CALN1: variants seen among roughly 807,000 people sequenced by gnomAD.
CALN1 encodes calneuron 1.
A neutral mutation model predicts 30.6 loss-of-function variants in CALN1; 17 were observed. The ratio of observed to expected loss-of-function variants is 0.56; its 90% CI spans 0.38 to 0.83. The LOEUF is 0.83. Among genes scored for constraint, CALN1 ranks in the 40% least tolerant of loss-of-function variants. CALN1 has a pLI of 0.00. For synonymous variants in CALN1, 156 were observed against 131.4 expected, an observed-to-expected ratio of 1.19 and a Z score of -1.28; for missense variants, 291 against 354.9, an observed-to-expected ratio of 0.82 and a Z score of 1.45.
chr7:72,330,485 A>AG (rs35451169), intron 2 of CALN1, among the ~76,000 whole-genome samples: 8,515 of 142,302 alleles, frequency 0.06, 352 homozygotes, highest in Non-Finnish European at 0.098. Context: ...AAAAAAAAAA[A>AG]AGAGAGAGAG....
intron 3 of CALN1, among the ~76,000 whole-genome samples, chr7:72,182,749 C>T (rs1207983720): frequency 1.4e-5 from 2 of 139,558 alleles, no homozygotes; most frequent in African/African-American, 5.3e-5. Flanking sequence ...AAAAAAATGA[C>T]AAAAATTCTA....
intron 3 of CALN1, among the ~76,000 whole-genome samples, chr7:72,214,699 A>G (rs1338369736): frequency 6.6e-6 from 1 of 152,018 alleles, no homozygotes; most frequent in African/African-American, 2.4e-5. Context: ...CGAGCCGCAC[A>G]GCAGGAGGTG....
intron 3 of CALN1, among the ~76,000 whole-genome samples, chr7:72,254,794 G>C (rs1795803540): frequency 6.6e-6 from 1 of 151,848 alleles, no homozygotes; most frequent in African/African-American, 2.4e-5. Flanking sequence ...ACAGAGTCTT[G>C]CTTGCCCTGT....
intron 3 of CALN1, among the ~76,000 whole-genome samples, chr7:72,224,657 T>C (rs1316398271): frequency 1.3e-5 from 2 of 152,082 alleles, no homozygotes; most frequent in African/African-American, 2.4e-5. Flanking sequence ...GGCCAGTGCC[T>C]GTAATCCCAG....
At chr7:71,858,856 C>T (rs1359828980) in intron 5 of CALN1, among the ~76,000 whole-genome samples, 2 of 152,056 alleles carry the variant, frequency 1.3e-5, no homozygotes, top group East Asian at 1.9e-4. Flanking sequence ...AGCTGTGCCC[C>T]GACCACTTTG....
At chr7:72,267,037 G>A (rs566698654) in intron 3 of CALN1, among the ~76,000 whole-genome samples, 19 of 152,290 alleles carry the variant, frequency 1.2e-4, no homozygotes, top group Non-Finnish European at 2.1e-4. Flanking sequence ...CATTCATTGC[G>A]TAGGTTTTAG....
At chr7:72,382,956 T>C (rs1804997291) in intron 2 of CALN1, among the ~76,000 whole-genome samples, 1 of 152,084 alleles carries the variant, frequency 6.6e-6, no homozygotes, top group Non-Finnish European at 1.5e-5. Flanking sequence ...GCCCAGCTAA[T>C]TTTTGTATTT....
At chr7:72,201,904 C>T (rs1041353484) in intron 3 of CALN1, among the ~76,000 whole-genome samples, 6 of 152,136 alleles carry the variant, frequency 3.9e-5, no homozygotes, top group Admixed American at 2.6e-4. Context: ...ACCCACACTC[C>T]CTATCTGTTG....
chr7:72,321,413 A>G (rs928845266), intron 2 of CALN1, among the ~76,000 whole-genome samples: 1 of 152,230 alleles, frequency 6.6e-6, no homozygotes, highest in African/African-American at 2.4e-5. Flanking sequence ...CTATTCTTAC[A>G]ACAAGCTGAA....
In CALN1 at chr7:71,779,737, GCTGA is replaced by G. The variant is rs1336240686; in HGVS notation, c.*8034_*8037del. The G allele has an allele frequency of 2.6e-5, 4 of 152,024 alleles. No individual in the cohort carries two copies. The highest frequency in any genetic ancestry group is 4.8e-5 in the African/African-American group (2 of 41,378). 9.4% of individuals were successfully genotyped at this position (152,024 alleles called of 1,614,324 possible). On this transcript the variant is annotated 3_prime_UTR_variant, in exon 7 of 7. Coordinates refer to ENST00000395275, the MANE Select transcript of CALN1 (RefSeq NM_031468.4). ...ATAAAGATTCTTTTTTGACTAGTCT[GCTGA>G]CTTTCTCATCACTTAATAGCAGAAA...
chr7:72,169,097 C>T (rs999060421), intron 3 of CALN1, among the ~76,000 whole-genome samples: 2 of 144,494 alleles, frequency 1.4e-5, no homozygotes, highest in Non-Finnish European at 3.2e-5. Flanking sequence ...TGAGCCACCA[C>T]ATCTAGCCCT....
chr7:72,349,282 TTGTGTGTGTGTGTG>T lies in CALN1; in HGVS notation c.119+53955_119+53968del, dbSNP rs3032183. Among the ~76,000 whole-genome samples the T allele has an allele frequency of 1.9e-3, 273 of 147,524 alleles. 1 individual carries two copies. Among genetic ancestry groups the T allele is most frequent in the South Asian group, 4.8e-3 (22 of 4,576 alleles). Reference sequence around the variant, plus strand: ...AGAGAGAGACTGTAAACACGCGTGCTTGTGTGTGTGTGTGTGTGTGTGTGTGTGTGTGTGTGTGT... The same window carrying T: ...AGAGAGAGACTGTAAACACGCGTGCTTGTGTGTGTGTGTGTGTGTGTGTGT... On this transcript the variant is annotated intron_variant, in intron 2 of 6. Transcript: ENST00000395275.
At chr7:72,170,434 C>G (rs779837771) in intron 3 of CALN1, among the ~76,000 whole-genome samples, 1 of 152,160 alleles carries the variant, frequency 6.6e-6, no homozygotes, top group Non-Finnish European at 1.5e-5. Flanking sequence ...ATAAGTCAAC[C>G]AGATGAGCAG....
intron 5 of CALN1, among the ~76,000 whole-genome samples, chr7:71,811,771 C>T (rs865915970): frequency 7.9e-5 from 12 of 151,528 alleles, no homozygotes; most frequent in African/African-American, 1.5e-4. Context: ...CTCCACCTCC[C>T]GGGTTCAAGC....
the CALN1 span, among the ~76,000 whole-genome samples, chr7:72,465,178 C>G: frequency 3.3e-5 from 5 of 152,214 alleles, no homozygotes; most frequent in African/African-American, 1.2e-4. Flanking sequence ...TGGACACACT[C>G]CTGGATAACT....
At chr7:71,800,991 G>A (rs537959239) in intron 6 of CALN1, among the ~76,000 whole-genome samples, 3 of 152,088 alleles carry the variant, frequency 2.0e-5, no homozygotes, top group African/African-American at 7.2e-5. Flanking sequence ...AGGCCCCGGT[G>A]TGTGATGTTC....
Position 71,840,716 on chromosome 7 carries a change from G to T in CALN1, c.502-30224C>A, listed in dbSNP as rs114826499. Among the ~76,000 whole-genome samples the T allele has an allele frequency of 7.9e-3, 1,196 of 152,076 alleles. 20 individuals are homozygous for T. The highest frequency in any genetic ancestry group is 0.027 in the African/African-American group (1,127 of 41,504). ...ATAAAATGGGGATAATAATACTAAT[G>T]AATAGGACAGTTGTGAGGCTGAAAT... On this transcript the variant is annotated intron_variant, in intron 5 of 6. Transcript: ENST00000395275.
At chr7:71,909,267 G>C (rs1231355540) in intron 5 of CALN1, among the ~76,000 whole-genome samples, 1 of 152,180 alleles carries the variant, frequency 6.6e-6, no homozygotes. Flanking sequence ...GGTATTACAG[G>C]CGTGAGCCAC....
At position 71,787,665 on chromosome 7, in the gene CALN1, G is replaced by T; in HGVS notation, c.*110C>A. ...TCTTTACTGAACGGTTCCATCGTCC[G>T]CATCCATCCATAGTCCATAGGTCCG... On this transcript the variant is annotated 3_prime_UTR_variant, in exon 7 of 7. Transcript: ENST00000395275. 5 of 1,456,662 alleles carry T rather than the reference G, an allele frequency of 3.4e-6. No individual in the cohort carries two copies. The highest frequency in any genetic ancestry group is 4.6e-6 in the Non-Finnish European group (5 of 1,082,982). 90.2% of individuals were successfully genotyped at this position (1,456,662 alleles called of 1,614,324 possible). A position where few individuals can be genotyped will look rare whatever the true frequency, so the allele number is the denominator to read the frequency against.
Sources: gnomAD v4.1 joint callset for allele counts (sites outside exome capture counted in the v4.1 genomes callset) on GRCh38, gnomAD v4.1.1 for gene constraint, MANE v1.5 for transcripts, NCBI Gene and HGNC (gene_info 2026-07-23, HGNC 2026-07-21) for gene names.